Variants in CREB5 observed in about 807,000 individuals in gnomAD.
CREB5 encodes the protein cAMP responsive element binding protein 5.
Under a neutral mutation model 57.1 loss-of-function variants are expected in CREB5, and 19 were observed. The observed-to-expected ratio is 0.33, with a 90% confidence interval of 0.23 to 0.49. The LOEUF is 0.49. Among genes scored for constraint, CREB5 ranks in the 20% least tolerant of loss-of-function variants. CREB5 has a pLI of 0.99. For synonymous variants in CREB5, 238 were observed against 238.3 expected (o/e 1.00, Z 0.01); for missense variants, 579 against 671.6 (o/e 0.86, Z 1.52).
At chr7:28,652,833 G>A (rs943476284) in intron 5 of CREB5, among the ~76,000 whole-genome samples, 1 of 152,170 alleles carries the variant, frequency 6.6e-6, no homozygotes, top group African/African-American at 2.4e-5. Context: ...TTTATTGTAG[G>A]CTGTCTTTTA....
chr7:28,635,443 T>A (rs1798380652), intron 5 of CREB5, among the ~76,000 whole-genome samples: 2 of 152,242 alleles, frequency 1.3e-5, no homozygotes, highest in African/African-American at 4.8e-5. Flanking sequence ...GGCCACTTAC[T>A]ATGCCAGGCA....
At chr7:28,779,342 G>A (rs942854996) in intron 7 of CREB5, 7 of 152,132 alleles carry the variant, frequency 4.6e-5, no homozygotes, top group Non-Finnish European at 1.0e-4. Context: ...TAAAGAAAAG[G>A]GCTCACTGGA....
chr7:28,819,771 A>G lies in CREB5; in HGVS notation c.*492A>G, dbSNP rs1456231289. ...TCCAGATAAACACACAGCCTTTCCC[A>G]TACCTTTTTTTTTCTTACTATAAAA... On this transcript the variant is annotated 3_prime_UTR_variant, in exon 11 of 11. Transcript: ENST00000357727. 4 of 152,516 alleles carry G rather than the reference A, an allele frequency of 2.6e-5. No homozygotes were observed. The highest frequency in any genetic ancestry group is 9.7e-5 in the African/African-American group (4 of 41,370). The allele number at this position is 152,516 out of a possible 1,614,324, so 9.4% of individuals were successfully genotyped here. A position where few individuals can be genotyped will look rare whatever the true frequency, so the allele number is the denominator to read the frequency against.
chr7:28,587,702 C>T (rs1340745933), intron 5 of CREB5, among the ~76,000 whole-genome samples: 1 of 152,084 alleles, frequency 6.6e-6, no homozygotes, highest in Non-Finnish European at 1.5e-5. Context: ...TCAATTTGTG[C>T]TTGTTTAATG....
At chr7:28,574,709 A>G (rs1355524834) in intron 5 of CREB5, among the ~76,000 whole-genome samples, 2 of 152,242 alleles carry the variant, frequency 1.3e-5, no homozygotes, top group African/African-American at 4.8e-5. Flanking sequence ...GGCACTGGCC[A>G]AATATATCTA....
At chr7:28,785,976 G>C (rs1251025215) in intron 7 of CREB5, among the ~76,000 whole-genome samples, 2 of 152,106 alleles carry the variant, frequency 1.3e-5, no homozygotes, top group African/African-American at 2.4e-5. Flanking sequence ...ACGTGTCATC[G>C]TGCCTCCTTC....
At chr7:28,685,676 T>C (rs2128726772) in intron 5 of CREB5, among the ~76,000 whole-genome samples, 1 of 152,014 alleles carries the variant, frequency 6.6e-6, no homozygotes, top group South Asian at 2.1e-4. Flanking sequence ...TTTTTTTTTT[T>C]TTTTTTTAAC....
At chr7:28,601,011 A>G (rs1471721761) in intron 5 of CREB5, among the ~76,000 whole-genome samples, 3 of 152,082 alleles carry the variant, frequency 2.0e-5, no homozygotes, top group East Asian at 3.9e-4. Flanking sequence ...TCCACTTTCT[A>G]GTTGGGGGCA....
At chr7:28,544,111 A>G (rs1794319876) in intron 4 of CREB5, among the ~76,000 whole-genome samples, 1 of 151,850 alleles carries the variant, frequency 6.6e-6, no homozygotes, top group South Asian at 2.1e-4. Flanking sequence ...ATAACTTAGC[A>G]TTTATTGTTG....
At chr7:28,580,993 C>T (rs568628401) in intron 5 of CREB5, among the ~76,000 whole-genome samples, 4 of 152,084 alleles carry the variant, frequency 2.6e-5, no homozygotes, top group Non-Finnish European at 5.9e-5. Flanking sequence ...TTTCTCAAGT[C>T]TGGAGATGAA....
At chr7:28,417,173 T>A (rs1788061718) in intron 1 of CREB5, among the ~76,000 whole-genome samples, 1 of 152,174 alleles carries the variant, frequency 6.6e-6, no homozygotes, top group South Asian at 2.1e-4. Flanking sequence ...GAGCTGCAAA[T>A]GTGAGCTGCA....
chr7:28,571,649 G>T (rs1223313695), intron 5 of CREB5, among the ~76,000 whole-genome samples: 1 of 152,202 alleles, frequency 6.6e-6, no homozygotes, highest in Admixed American at 6.5e-5. Flanking sequence ...GCCAAGTGTG[G>T]TCTGAGGATC....
chr7:28,451,450 CTGTGTGTGTG>C (rs6150047), intron 1 of CREB5, among the ~76,000 whole-genome samples: 42,412 of 146,842 alleles, frequency 0.29, 6,309 homozygotes, highest in African/African-American at 0.38. Flanking sequence ...CTTTGCCAAA[CTGTGTGTGTG>C]TGTGTGTGTG....
At chr7:28,638,817 T>C (rs1798531915) in intron 5 of CREB5, among the ~76,000 whole-genome samples, 1 of 152,100 alleles carries the variant, frequency 6.6e-6, no homozygotes, top group Non-Finnish European at 1.5e-5. Context: ...CCATAGCAAA[T>C]CAGAGAACAA....
intron 5 of CREB5, among the ~76,000 whole-genome samples, chr7:28,685,822 A>G (rs564717998): frequency 6.6e-6 from 1 of 152,116 alleles, no homozygotes; most frequent in Admixed American, 6.5e-5. Flanking sequence ...ACCCGTTTCT[A>G]AGGGCAAGTG....
rs575674104 is a variant in CREB5, at chr7:28,400,218, T to A, written c.-24-94688T>A. 1.2e-4 allele frequency among the ~76,000 whole-genome samples: 18 copies of A among 152,298 alleles called. No homozygotes were observed. The East Asian group carries it at 3.5e-3, about 29-fold the overall frequency. On this transcript the variant is annotated intron_variant, in intron 1 of 9. Transcript: ENST00000396299. ...GGGGATTCTGGAGTCAGGACTAGGT[T>A]TGAAACTCAACTTCCTTACTTATTA... is the stretch of plus-strand genomic sequence containing the variant.
intron 1 of CREB5, among the ~76,000 whole-genome samples, chr7:28,417,861 T>C (rs2128007257): frequency 6.6e-6 from 1 of 152,340 alleles, no homozygotes; most frequent in East Asian, 1.9e-4. Context: ...ATGAATAACT[T>C]AGACAATAAT....
At chr7:28,435,657 A>G in intron 1 of CREB5, 1 of 985,310 alleles carries the variant, frequency 1.0e-6, no homozygotes, top group Non-Finnish European at 1.2e-6. Flanking sequence ...GATCTCATTT[A>G]CCTGAATGAG....
At chr7:28,462,015 A>G (rs1790369560) in intron 1 of CREB5, among the ~76,000 whole-genome samples, 1 of 152,126 alleles carries the variant, frequency 6.6e-6, no homozygotes, top group Non-Finnish European at 1.5e-5. Context: ...GTCTCATTTT[A>G]GAACATTTTC....
Sources: allele counts gnomAD v4.1 joint callset (sites outside exome capture counted in the v4.1 genomes callset), GRCh38; gene constraint gnomAD v4.1.1; transcripts MANE v1.5; gene names NCBI Gene and HGNC (gene_info 2026-07-23, HGNC 2026-07-21).